DRC11: variants seen among roughly 807,000 people sequenced by gnomAD.
DRC11 encodes the protein dynein regulatory complex subunit 11.
At chr2:236,418,161 CA>C in the DRC11 span, among the ~76,000 whole-genome samples, 1 of 152,214 alleles carries the variant, frequency 6.6e-6, no homozygotes, top group Non-Finnish European at 1.5e-5. Flanking sequence ...CTGTCTTCCA[CA>C]ATGGTTGAAC....
chr2:236,380,776 G>A, the DRC11 span: 167 of 671,926 alleles, frequency 2.5e-4, no homozygotes, highest in African/African-American at 2.3e-3. The surrounding 1 kb of genome is among the most constrained non-coding windows in gnomAD (Gnocchi z 4.9). Context: ...CAGAGCTGCC[G>A]TGTTTTCATG....
chr2:236,311,562 G>A, the DRC11 span, among the ~76,000 whole-genome samples: 9 of 152,296 alleles, frequency 5.9e-5, no homozygotes, highest in East Asian at 1.7e-3. This position sits in a 1 kb window ranked among gnomAD's most constrained non-coding sequence, Gnocchi z 6.9. Context: ...GAGGTCTGCT[G>A]GTTACTGTGG....
At chr2:236,455,503 T>C in the DRC11 span, among the ~76,000 whole-genome samples, 1 of 151,766 alleles carries the variant, frequency 6.6e-6, no homozygotes, top group African/African-American at 2.4e-5. This position sits in a 1 kb window ranked among gnomAD's most constrained non-coding sequence, Gnocchi z 5.7. Flanking sequence ...GCAGGGAGAG[T>C]ATCAGGCTGG....
the DRC11 span, among the ~76,000 whole-genome samples, chr2:236,387,261 G>T: frequency 2.7e-5 from 4 of 149,612 alleles, no homozygotes; most frequent in Admixed American, 6.6e-5. Context: ...TTGACAGTGG[G>T]GTGTTAAAGT....
the DRC11 span, chr2:236,324,555 CCT>C: frequency 1.6e-6 from 1 of 615,144 alleles, no homozygotes; most frequent in Non-Finnish European, 2.9e-6. The surrounding 1 kb of genome is among the most constrained non-coding windows in gnomAD (Gnocchi z 5.7). Context: ...AGTTCCTTCC[CCT>C]GAGGGCTTCT....
At chr2:236,365,859 G>A in the DRC11 span, among the ~76,000 whole-genome samples, 2 of 152,126 alleles carry the variant, frequency 1.3e-5, no homozygotes, top group Non-Finnish European at 2.9e-5. The surrounding 1 kb of genome is among the most constrained non-coding windows in gnomAD (Gnocchi z 7.4). Flanking sequence ...TGCCCCTCTC[G>A]TAGAGTTACC....
chr2:236,341,981 C>CA, the DRC11 span, among the ~76,000 whole-genome samples: 1 of 152,192 alleles, frequency 6.6e-6, no homozygotes, highest in Non-Finnish European at 1.5e-5. Context: ...TTCCTGTCCG[C>CA]AACAGTGTCC....
chr2:236,456,229 T>C, the DRC11 span, among the ~76,000 whole-genome samples: 2 of 152,154 alleles, frequency 1.3e-5, no homozygotes, highest in African/African-American at 4.8e-5. The surrounding 1 kb of genome is among the most constrained non-coding windows in gnomAD (Gnocchi z 5.4). Context: ...TACTTACAAA[T>C]CTATATTACT....
the DRC11 span, chr2:236,363,705 G>A: frequency 8.6e-7 from 1 of 1,157,640 alleles, no homozygotes; most frequent in Non-Finnish European, 1.3e-6. This position sits in a 1 kb window ranked among gnomAD's most constrained non-coding sequence, Gnocchi z 5.6. Context: ...TCTGCCAATG[G>A]AAATTATCTG....
chr2:236,456,958 T>A, the DRC11 span, among the ~76,000 whole-genome samples: 1 of 152,186 alleles, frequency 6.6e-6, no homozygotes, highest in Non-Finnish European at 1.5e-5. This position sits in a 1 kb window ranked among gnomAD's most constrained non-coding sequence, Gnocchi z 5.4. Flanking sequence ...CTGCTGCATC[T>A]TCAGTGGCAG....
At chr2:236,347,068 C>A in the DRC11 span, among the ~76,000 whole-genome samples, 2 of 152,298 alleles carry the variant, frequency 1.3e-5, no homozygotes, top group Admixed American at 1.3e-4. Context: ...AGAAGGGACG[C>A]AAGACCCCAG....
the DRC11 span, among the ~76,000 whole-genome samples, chr2:236,317,966 T>C: frequency 6.6e-6 from 1 of 152,120 alleles, no homozygotes; most frequent in South Asian, 2.1e-4. The surrounding 1 kb of genome is among the most constrained non-coding windows in gnomAD (Gnocchi z 5.4). Flanking sequence ...CCTCATTCAG[T>C]CTCCATCCTG....
At chr2:236,426,897 T>C in the DRC11 span, among the ~76,000 whole-genome samples, 6 of 152,258 alleles carry the variant, frequency 3.9e-5, no homozygotes, top group African/African-American at 7.2e-5. This position sits in a 1 kb window ranked among gnomAD's most constrained non-coding sequence, Gnocchi z 4.1. Flanking sequence ...ATTTTCACTA[T>C]TGAGTATGAT....
chr2:236,379,116 T>TC, the DRC11 span, among the ~76,000 whole-genome samples: 4 of 152,036 alleles, frequency 2.6e-5, no homozygotes, highest in East Asian at 1.9e-4. Context: ...GCCCTCCTCT[T>TC]CCCCCCGCAG....
At chr2:236,425,609 T>A in the DRC11 span, among the ~76,000 whole-genome samples, 1 of 151,896 alleles carries the variant, frequency 6.6e-6, no homozygotes, top group East Asian at 1.9e-4. Context: ...CTCTTTTGTT[T>A]CCTTGCTGTG....
the DRC11 span, among the ~76,000 whole-genome samples, chr2:236,435,964 T>G: frequency 6.6e-6 from 1 of 152,188 alleles, no homozygotes; most frequent in Middle Eastern, 3.2e-3. Flanking sequence ...CATGAAAAGT[T>G]TTGATATTTG....
At chr2:236,359,026 AGTGAGAATGGCC>A in the DRC11 span, among the ~76,000 whole-genome samples, 1 of 151,436 alleles carries the variant, frequency 6.6e-6, no homozygotes, top group African/African-American at 2.4e-5. The surrounding 1 kb of genome is among the most constrained non-coding windows in gnomAD (Gnocchi z 4.3). Context: ...CCGCCTTGCC[AGTGAGAATGGCC>A]CCCGCCCTCC....
At chr2:236,389,398 G>A in the DRC11 span, among the ~76,000 whole-genome samples, 1 of 152,232 alleles carries the variant, frequency 6.6e-6, no homozygotes, top group Admixed American at 6.5e-5. Flanking sequence ...GAAAAGCGCA[G>A]TATTCGGGTG....
At chr2:236,398,059 C>G in the DRC11 span, among the ~76,000 whole-genome samples, 1 of 152,172 alleles carries the variant, frequency 6.6e-6, no homozygotes, top group African/African-American at 2.4e-5. This position sits in a 1 kb window ranked among gnomAD's most constrained non-coding sequence, Gnocchi z 6.2. Flanking sequence ...TCTACCAGTA[C>G]CTGCCCATAC....
Sources: gnomAD v4.1 joint callset for allele counts (sites outside exome capture counted in the v4.1 genomes callset) on GRCh38, gnomAD v4.1.1 for gene constraint, Gnocchi (gnomAD v3.1) non-coding constraint, MANE v1.5 for transcripts, NCBI Gene and HGNC (gene_info 2026-07-23, HGNC 2026-07-21) for gene names.